The following SHC3 variants were observed in gnomAD, a reference collection of about 807,000 sequenced individuals.
SHC3 encodes the protein SHC-transforming protein 3.
SHC3 carries 15 observed loss-of-function variants against 60.4 expected under a neutral mutation model. That is an observed-to-expected ratio of 0.25 (90% CI 0.17 to 0.38). The LOEUF (loss-of-function observed/expected upper bound fraction) is 0.38, where lower values mean the gene tolerates loss of function less well. Ranked by LOEUF, SHC3 falls within the 10% of genes least tolerant of loss-of-function variation. The pLI is 1.00. For synonymous variants in SHC3, 294 were observed against 325.9 expected (o/e 0.90, Z 1.05); for missense variants, 677 against 786.1 (o/e 0.86, Z 1.66).
Position 89,067,966 on chromosome 9 carries a change from G to A in SHC3, c.784-2386C>T, listed in dbSNP as rs141382521. The stretch of plus-strand genomic sequence containing the variant: ...GAATACAAGGAATATATTTTTTTAC[G>A]TTCTTACTCTGGCTCAAAGTTGGGA... On this transcript the variant is annotated intron_variant, in intron 5 of 11. Transcript: ENST00000375835. Among the ~76,000 whole-genome samples the A allele has an allele frequency of 3.5e-3, 539 of 152,148 alleles. 2 individuals carry two copies. The highest frequency in any genetic ancestry group is 6.2e-3 in the Non-Finnish European group (423 of 67,998).
intron 1 of SHC3, among the ~76,000 whole-genome samples, chr9:89,176,256 AC>A (rs1340189812): frequency 1.3e-5 from 2 of 152,214 alleles, no homozygotes; most frequent in African/African-American, 4.8e-5. Context: ...CACAAACCTT[AC>A]AGCAACAGAT....
At chr9:89,175,790 G>T (rs889982331) in intron 1 of SHC3, among the ~76,000 whole-genome samples, 2 of 152,142 alleles carry the variant, frequency 1.3e-5, no homozygotes, top group Non-Finnish European at 2.9e-5. Context: ...TAAGGATACC[G>T]GTAGAACTAT....
intron 2 of SHC3, among the ~76,000 whole-genome samples, chr9:89,106,304 C>CA (rs1018396444): frequency 6.6e-6 from 1 of 152,158 alleles, no homozygotes; most frequent in Non-Finnish European, 1.5e-5. Context: ...GTGCCTCAAC[C>CA]AAAAAATCTA....
intron 6 of SHC3, among the ~76,000 whole-genome samples, chr9:89,054,665 T>C (rs1824919838): frequency 6.6e-6 from 1 of 152,226 alleles, no homozygotes; most frequent in African/African-American, 2.4e-5. Context: ...TCACAAACAA[T>C]GGAGAAGAAA....
chr9:89,158,102 A>G (rs1826652006), intron 1 of SHC3, among the ~76,000 whole-genome samples: 2 of 151,310 alleles, frequency 1.3e-5, no homozygotes, highest in Admixed American at 6.6e-5. Flanking sequence ...TGGATTACTG[A>G]TTGAAGAACT....
intron 11 of SHC3, among the ~76,000 whole-genome samples, chr9:89,027,051 A>G (rs1452346402): frequency 6.6e-6 from 1 of 152,190 alleles, no homozygotes; most frequent in African/African-American, 2.4e-5. Context: ...GACCGTGGTG[A>G]CCAAACAGGA....
At chr9:89,020,295 T>G (rs1587677035) in intron 11 of SHC3, among the ~76,000 whole-genome samples, 3 of 138,504 alleles carry the variant, frequency 2.2e-5, no homozygotes, top group Admixed American at 7.3e-5. Flanking sequence ...AGGGTGGGGG[T>G]GAGAGGTGAA....
intron 1 of SHC3, among the ~76,000 whole-genome samples, chr9:89,145,624 T>C (rs1418134308): frequency 2.0e-5 from 3 of 152,214 alleles, no homozygotes; most frequent in Non-Finnish European, 4.4e-5. Context: ...GGAGGAGTAA[T>C]AGGACAAACT....
intron 5 of SHC3, among the ~76,000 whole-genome samples, chr9:89,070,949 G>A (rs927526395): frequency 2.0e-5 from 3 of 152,160 alleles, no homozygotes; most frequent in Non-Finnish European, 2.9e-5. Flanking sequence ...TGGTAAGAAC[G>A]CCAGTGCCTC....
At chr9:89,168,156 G>A (rs149534410) in intron 1 of SHC3, among the ~76,000 whole-genome samples, 1 of 152,318 alleles carries the variant, frequency 6.6e-6, no homozygotes, top group African/African-American at 2.4e-5. Context: ...ACAAACATTT[G>A]AGGAATTTGA....
chr9:89,129,167 A>G (rs1248871161), intron 1 of SHC3, among the ~76,000 whole-genome samples: 1 of 152,196 alleles, frequency 6.6e-6, no homozygotes, highest in Non-Finnish European at 1.5e-5. Context: ...GTGATTGAAG[A>G]TCAAATTAAT....
chr9:89,035,400 C>T (rs921419052), intron 11 of SHC3, among the ~76,000 whole-genome samples: 1 of 151,964 alleles, frequency 6.6e-6, no homozygotes, highest in Non-Finnish European at 1.5e-5. Flanking sequence ...CTCAGTAAAA[C>T]GGTTTAGAAA....
chr9:89,149,881 C>T (rs373856404), intron 1 of SHC3, among the ~76,000 whole-genome samples: 1 of 152,300 alleles, frequency 6.6e-6, no homozygotes, highest in South Asian at 2.1e-4. Flanking sequence ...GATGAAGCCC[C>T]AGTTGCTCCA....
intron 9 of SHC3, among the ~76,000 whole-genome samples, chr9:89,044,027 T>C (rs1824733463): frequency 1.3e-5 from 2 of 152,230 alleles, no homozygotes; most frequent in African/African-American, 4.8e-5. Flanking sequence ...CAGGAGTTCA[T>C]TCTGCGACAT....
At chr9:89,019,602 T>C (rs948241161) in intron 11 of SHC3, among the ~76,000 whole-genome samples, 1 of 152,204 alleles carries the variant, frequency 6.6e-6, no homozygotes, top group Non-Finnish European at 1.5e-5. Context: ...CACTTTCCTA[T>C]ATATCAGGAA....
intron 9 of SHC3, among the ~76,000 whole-genome samples, chr9:89,042,626 T>G (rs930547233): frequency 2.0e-5 from 3 of 152,344 alleles, no homozygotes. Flanking sequence ...ATTAACTTCA[T>G]TCAAGCAATA....
At chr9:89,035,269 G>GT (rs1824552811) in intron 11 of SHC3, among the ~76,000 whole-genome samples, 3 of 152,112 alleles carry the variant, frequency 2.0e-5, no homozygotes. Context: ...AAAAATGTCT[G>GT]TTCTTCTTCA....
chr9:89,140,368 C>A (rs1826376169), intron 1 of SHC3, among the ~76,000 whole-genome samples: 1 of 151,962 alleles, frequency 6.6e-6, no homozygotes, highest in Admixed American at 6.6e-5. Flanking sequence ...TGCTTTTATA[C>A]CAGATCTTGG....
rs573049603 is a variant in SHC3 at position 89,010,896 on chromosome 9, A to T, written c.*2551T>A. 6.6e-6 allele frequency: 1 copy of T among 152,372 alleles called. No homozygotes were observed. The highest frequency in any genetic ancestry group is 1.5e-5 in the Non-Finnish European group (1 of 68,084). 9.4% of individuals were successfully genotyped at this position (152,372 alleles called of 1,614,324 possible). A position where few individuals can be genotyped will look rare whatever the true frequency, so the allele number is the denominator to read the frequency against. On this transcript the variant is annotated 3_prime_UTR_variant, in exon 12 of 12. Coordinates refer to ENST00000375835, the MANE Select transcript of SHC3 (RefSeq NM_016848.6). ...AGCAGAAGAGCTCTGCAGCCAGATG[A>T]CAACATGGCCTCCAGGAAGGTGTGG...
Sources: gnomAD v4.1 joint callset for allele counts (sites outside exome capture counted in the v4.1 genomes callset) on GRCh38, gnomAD v4.1.1 for gene constraint, MANE v1.5 for transcripts, NCBI Gene and HGNC (gene_info 2026-07-23, HGNC 2026-07-21) for gene names.